The following SEMA3E variants were observed in gnomAD, a reference collection of about 807,000 sequenced individuals.
The protein encoded by SEMA3E is semaphorin 3E, also known as semaphorin-3E.
SEMA3E carries 49 observed loss-of-function variants against 93.6 expected under a neutral mutation model. That is an observed-to-expected ratio of 0.52 (90% CI 0.42 to 0.66). The LOEUF (loss-of-function observed/expected upper bound fraction) is 0.66. Among genes scored for constraint, SEMA3E ranks in the 30% least tolerant of loss-of-function variants. SEMA3E has a pLI of 0.00. For synonymous variants in SEMA3E, 363 were observed against 330.7 expected, an observed-to-expected ratio of 1.10 and a Z score of -1.06; for missense variants, 906 against 964.8, an observed-to-expected ratio of 0.94 and a Z score of 0.81.
At chr7:83,605,595 T>C (rs552836951) in intron 1 of SEMA3E, among the ~76,000 whole-genome samples, 3 of 152,098 alleles carry the variant, frequency 2.0e-5, no homozygotes, top group East Asian at 1.9e-4. Flanking sequence ...CACCCCCAGC[T>C]ATTTTTGTAT....
At chr7:83,438,948 C>G (rs1410755156) in intron 4 of SEMA3E, among the ~76,000 whole-genome samples, 3 of 152,166 alleles carry the variant, frequency 2.0e-5, no homozygotes, top group Non-Finnish European at 2.9e-5. Flanking sequence ...CTGTGTCTTT[C>G]CTGACCACCT....
intron 1 of SEMA3E, among the ~76,000 whole-genome samples, chr7:83,553,840 G>A (rs768349963): frequency 1.3e-5 from 2 of 151,974 alleles, no homozygotes; most frequent in Non-Finnish European, 2.9e-5. Context: ...GTCTCTGTTA[G>A]GTCAAAATGT....
intron 1 of SEMA3E, among the ~76,000 whole-genome samples, chr7:83,563,573 A>G (rs1792080186): frequency 3.3e-5 from 5 of 152,100 alleles, no homozygotes; most frequent in Admixed American, 3.3e-4. Flanking sequence ...GAAACTTTGG[A>G]GTGGGGCCCA....
chr7:83,384,255 T>C (rs1787836772), intron 16 of SEMA3E, among the ~76,000 whole-genome samples: 1 of 152,062 alleles, frequency 6.6e-6, no homozygotes, highest in Admixed American at 6.6e-5. Flanking sequence ...GTGTTCCGCA[T>C]TTGGAATCAG....
chr7:83,450,818 G>C (rs1789344607), intron 4 of SEMA3E, among the ~76,000 whole-genome samples: 1 of 152,064 alleles, frequency 6.6e-6, no homozygotes, highest in South Asian at 2.1e-4. Context: ...TTAAAGACCA[G>C]AAAAGTAAAA....
At chr7:83,410,280 C>T (rs1042542298) in intron 5 of SEMA3E, among the ~76,000 whole-genome samples, 2 of 151,798 alleles carry the variant, frequency 1.3e-5, no homozygotes, top group Non-Finnish European at 2.9e-5. Context: ...AAATGGTATA[C>T]AGGTGTTAAT....
intron 1 of SEMA3E, among the ~76,000 whole-genome samples, chr7:83,631,831 T>G (rs746354974): frequency 4.6e-5 from 7 of 152,192 alleles, no homozygotes; most frequent in Non-Finnish European, 8.8e-5. Context: ...GCCCATAAGC[T>G]GCTGTCAACT....
intron 1 of SEMA3E, among the ~76,000 whole-genome samples, chr7:83,626,932 CTTAT>C (rs1205454358): frequency 6.6e-6 from 1 of 152,138 alleles, no homozygotes; most frequent in Non-Finnish European, 1.5e-5. Flanking sequence ...TTTCAAAGAA[CTTAT>C]TTATTTCTGC....
At chr7:83,402,478 G>A (rs959851538) in intron 10 of SEMA3E, among the ~76,000 whole-genome samples, 154 bp downstream of exon 10, 1 of 151,660 alleles carries the variant, frequency 6.6e-6, no homozygotes, top group Admixed American at 6.6e-5. Context: ...AGATTTGAAG[G>A]AATATTTTTT....
chr7:83,463,958 A>G (rs1789693880), intron 4 of SEMA3E, among the ~76,000 whole-genome samples: 1 of 152,136 alleles, frequency 6.6e-6, no homozygotes, highest in Admixed American at 6.5e-5. Flanking sequence ...TTCACTGGAT[A>G]GGTAGAGGCC....
chr7:83,542,943 C>A (rs903270165), intron 1 of SEMA3E, among the ~76,000 whole-genome samples: 5 of 152,038 alleles, frequency 3.3e-5, no homozygotes, highest in South Asian at 2.1e-4. Context: ...AAACAAAAGT[C>A]TTTTTGTGGC....
intron 1 of SEMA3E, among the ~76,000 whole-genome samples, chr7:83,639,245 A>G (rs919581743): frequency 2.7e-5 from 4 of 150,684 alleles, no homozygotes; most frequent in African/African-American, 7.3e-5. Flanking sequence ...TGTAGCATTC[A>G]TTTAACTCCA....
chr7:83,584,824 G>T (rs1033319739), intron 1 of SEMA3E, among the ~76,000 whole-genome samples: 2 of 152,022 alleles, frequency 1.3e-5, no homozygotes, highest in African/African-American at 2.4e-5. Flanking sequence ...CCTTTCACTG[G>T]TCCCTTCTCC....
At chr7:83,457,817 T>C (rs1355276847) in intron 4 of SEMA3E, among the ~76,000 whole-genome samples, 5 of 152,250 alleles carry the variant, frequency 3.3e-5, no homozygotes, top group Middle Eastern at 3.4e-3. Flanking sequence ...CACCAACTTA[T>C]CCCAGTTTTA....
intron 1 of SEMA3E, among the ~76,000 whole-genome samples, chr7:83,556,928 G>T (rs1409094022): frequency 6.6e-6 from 1 of 152,016 alleles, no homozygotes; most frequent in Non-Finnish European, 1.5e-5. Flanking sequence ...AGTGTTCAAG[G>T]CACCATCTCA....
chr7:83,563,065 C>G lies in SEMA3E; in HGVS notation c.116-72791G>C, dbSNP rs773946759. 3.3e-5 allele frequency among the ~76,000 whole-genome samples: 5 copies of G among 152,194 alleles called. No homozygotes were observed. The East Asian group carries it at 9.6e-4, about 29-fold the overall frequency. On this transcript the variant is annotated intron_variant, in intron 1 of 16. Coordinates refer to ENST00000643230, the MANE Select transcript of SEMA3E (RefSeq NM_012431.3). ...ATTCACTTCATTGTTCCAGTGTCTA[C>G]TGTAGACAGGCATGCTCTGTTTCTG... is the stretch of plus-strand genomic sequence containing the variant.
chr7:83,531,140 C>A (rs1402483060), intron 1 of SEMA3E, among the ~76,000 whole-genome samples: 1 of 151,800 alleles, frequency 6.6e-6, no homozygotes, highest in Admixed American at 6.6e-5. Context: ...AAAATAAAAT[C>A]ATCTTGCCCT....
intron 4 of SEMA3E, among the ~76,000 whole-genome samples, chr7:83,455,575 C>G (rs1789462063): frequency 6.6e-6 from 1 of 152,204 alleles, no homozygotes; most frequent in Non-Finnish European, 1.5e-5. Flanking sequence ...AGCTGTACGA[C>G]ACGATCCCCT....
Position 83,367,505 on chromosome 7 carries a change from A to G in SEMA3E, c.*81T>C. On this transcript the variant is annotated 3_prime_UTR_variant, in exon 17 of 17. Coordinates refer to ENST00000643230, the MANE Select transcript of SEMA3E (RefSeq NM_012431.3). ...ACAGAAATCTCTTTTAAGTAATGCA[A>G]AGAAGTTGGATGATTTATTTTTTTA... 1.4e-6 allele frequency: 2 copies of G among 1,411,196 alleles called. No individual in the cohort carries two copies. Among genetic ancestry groups the G allele is most frequent in the Non-Finnish European group, 2.0e-6 (2 of 997,080 alleles). The allele number at this position is 1,411,196 out of a possible 1,614,324, so 87.4% of individuals were successfully genotyped here.
Sources: allele counts gnomAD v4.1 joint callset (sites outside exome capture counted in the v4.1 genomes callset), GRCh38; gene constraint gnomAD v4.1.1; transcripts MANE v1.5; gene names NCBI Gene and HGNC (gene_info 2026-07-23, HGNC 2026-07-21).